TOR3A: variants seen among roughly 807,000 people sequenced by gnomAD.
TOR3A encodes torsin family 3 member A.
A neutral mutation model predicts 42.1 loss-of-function variants in TOR3A; 44 were observed. The ratio of observed to expected loss-of-function variants is 1.04; its 90% CI spans 0.82 to 1.34. The LOEUF is 1.34. Ranked by LOEUF, TOR3A falls within the 40% of genes most tolerant of loss-of-function variation. The pLI is 0.00. For synonymous variants in TOR3A, 227 were observed against 213.2 expected (o/e 1.06, Z -0.57); for missense variants, 521 against 507.6 (o/e 1.03, Z -0.25).
In TOR3A at chr1:179,095,297, A is replaced by G; in HGVS notation, c.*79A>G. ...GACCTGTAGGAGCACCCCGTTTGGG[A>G]CTGTGAGGTGTTTGAGGGTGTGGAC... On this transcript the variant is annotated 3_prime_UTR_variant, in exon 6 of 6. Coordinates refer to ENST00000367627, the MANE Select transcript of TOR3A (RefSeq NM_022371.4). The G allele has an allele frequency of 8.8e-6, 14 of 1,582,900 alleles. No homozygotes were observed. Among genetic ancestry groups the G allele is most frequent in the Non-Finnish European group, 1.2e-5 (14 of 1,166,224 alleles).
chr1:179,095,617 C>T lies in TOR3A; in HGVS notation c.*399C>T, dbSNP rs1444753859. 1.9e-6 allele frequency: 2 copies of T among 1,048,986 alleles called. No homozygotes were observed. Among genetic ancestry groups the T allele is most frequent in the African/African-American group, 3.4e-5 (2 of 59,008 alleles). The allele number at this position is 1,048,986 out of a possible 1,614,324, so 65.0% of individuals were successfully genotyped here. A position where few individuals can be genotyped will look rare whatever the true frequency, so the allele number is the denominator to read the frequency against. The stretch of plus-strand genomic sequence containing the variant: ...ACACTCCAGATGGTCTCCTTAGCAT[C>T]TCAGCTCTTCTGCAAGGAAGAGCTT... On this transcript the variant is annotated 3_prime_UTR_variant, in exon 6 of 6. Coordinates refer to ENST00000367627, the MANE Select transcript of TOR3A (RefSeq NM_022371.4).
chr1:179,087,075 A>G (rs1652455436), intron 3 of TOR3A, among the ~76,000 whole-genome samples: 2 of 152,216 alleles, frequency 1.3e-5, no homozygotes, highest in South Asian at 4.1e-4. Flanking sequence ...GAAAACTGGC[A>G]TGTGCATAGC....
In TOR3A at chr1:179,088,087, C is replaced by G. The variant is rs143447495; in HGVS notation, c.816C>G (p.Leu272=). ...CTCCATGGACTATCTTTCTGTTTCTCAGGTGGGTTCTGGGGAACAATAGTC... is the reference window on the plus strand; with the variant it reads ...CTCCATGGACTATCTTTCTGTTTCTGAGGTGGGTTCTGGGGAACAATAGTC... The part of the protein sequence containing the change: ...AESPWTIFLF[L]SNLRGDIINE... Residue 272 remains leucine, a splice_region_variant and synonymous_variant, in exon 4 of 6, where the codon CTC becomes CTG. Coordinates refer to ENST00000367627, the MANE Select transcript of TOR3A (RefSeq NM_022371.4). 1.3e-6 allele frequency: 2 copies of G among 1,583,204 alleles called. No homozygotes were observed. Among genetic ancestry groups the G allele is most frequent in the African/African-American group, 2.7e-5 (2 of 73,474 alleles).
chr1:179,082,633 A>C (rs1479357828), intron 1 of TOR3A: 18 of 707,912 alleles, frequency 2.5e-5, no homozygotes, highest in Non-Finnish European at 4.6e-5. Flanking sequence ...GCCTCCCCTG[A>C]TCCCTGCGCT....
chr1:179,085,525 A>C (rs2102542221), intron 2 of TOR3A, 103 bp from the exon 3 acceptor site: 1 of 1,456,624 alleles, frequency 6.9e-7, no homozygotes, highest in East Asian at 2.3e-5. Context: ...AACTGATTCC[A>C]CCCGAGAGAG....
chr1:179,087,171 T>C (rs771582054), intron 3 of TOR3A, among the ~76,000 whole-genome samples: 1 of 152,210 alleles, frequency 6.6e-6, no homozygotes, highest in East Asian at 1.9e-4. Context: ...CTGAATAATA[T>C]ATTCCCTGCC....
In TOR3A at chr1:179,094,965, C is replaced by T. The variant is rs975257945; in HGVS notation, c.944-3C>T. The T allele has an allele frequency of 1.1e-5, 18 of 1,614,024 alleles. No homozygotes were observed. In the African/African-American group the frequency reaches 1.5e-4, roughly 13 times the overall value. On this transcript the variant is annotated splice_polypyrimidine_tract_variant and splice_region_variant and intron_variant, in intron 5 of 5. Transcript: ENST00000367627. ...CTCCATGTAACTTTGGTCTTGCTTT[C>T]AGACAATGGCTTTGGCCACAGCCGT...
At position 179,088,007 on chromosome 1, in the gene TOR3A, G is replaced by C; in HGVS notation, c.736G>C (p.Glu246Gln). 1 of 1,613,760 alleles carries C rather than the reference G, an allele frequency of 6.2e-7. No individual in the cohort carries two copies. Among genetic ancestry groups the C allele is most frequent in the Non-Finnish European group, 8.5e-7 (1 of 1,179,820 alleles). ...GGAGAAGCTGCACCCAGGGCTGCTG[G>C]AGGTCCTTGGGCCACACTTAGAACG... ...EAEKLHPGLLEVLGPHLERRA... is the reference protein window; with the variant it reads ...EAEKLHPGLLQVLGPHLERRA... Residue 246 changes from glutamate (E) to glutamine (Q), a missense_variant, in exon 4 of 6, where the codon GAG becomes CAG. Physicochemically the swap from Glu to Gln is conservative, Grantham distance 29. Coordinates refer to ENST00000367627, the MANE Select transcript of TOR3A (RefSeq NM_022371.4).
In TOR3A at chr1:179,082,386, G is replaced by C. The variant is rs564276567; in HGVS notation, c.258G>C (p.Leu86=). The change falls in exon 1 of 6, where the codon CTG becomes CTC. Residue 86 remains leucine (L), a splice_region_variant and synonymous_variant. Transcript: ENST00000367627. The part of the protein sequence containing the change: ...DEDEEAATGP[L]GWRLPLLGQR... ...ACGAGGAGGCAGCCACGGGGCCCCT[G>C]GGTAAGACCCCGTCCCCACGGTCCG... 5 of 1,601,974 alleles carry C rather than the reference G, an allele frequency of 3.1e-6. No homozygotes were observed. In the East Asian group the frequency reaches 1.1e-4, roughly 36 times the overall value.
intron 4 of TOR3A, among the ~76,000 whole-genome samples, chr1:179,089,007 A>C (rs1652507639): frequency 1.3e-5 from 2 of 151,978 alleles, no homozygotes; most frequent in Non-Finnish European, 1.5e-5. Context: ...TCACTTTGTG[A>C]GGATGGGGAA....
chr1:179,095,017 C>CT lies in TOR3A; in HGVS notation c.995dup (p.Ile333HisfsTer27). On this transcript the variant is annotated frameshift_variant, in exon 6 of 6. Coordinates refer to ENST00000367627, the MANE Select transcript of TOR3A (RefSeq NM_022371.4). LOFTEE classifies it high-confidence loss of function. ...TTGTGAAGGAAAACCTGATTGACTA[C>CT]TTCATCCCCTTCCTGCCTTTGGAGT... is the stretch of plus-strand genomic sequence containing the variant. 2 of 1,614,214 alleles carry CT rather than the reference C, an allele frequency of 1.2e-6. No homozygotes were observed. The highest frequency in any genetic ancestry group is 1.7e-6 in the Non-Finnish European group (2 of 1,180,046).
intron 4 of TOR3A, among the ~76,000 whole-genome samples, chr1:179,089,219 G>A (rs1652514481): frequency 6.6e-6 from 1 of 152,012 alleles, no homozygotes; most frequent in South Asian, 2.1e-4. Context: ...TACTCGGGAG[G>A]CTGAGGCAGG....
rs568898642 is a variant in TOR3A, at chr1:179,089,876, G to A, written c.818+1787G>A. The stretch of plus-strand genomic sequence containing the variant: ...CCTCTCCCCGAGACAGGGGTCTCCC[G>A]GCTTCAGGTGGTGCCGGCCACACAG... On this transcript the variant is annotated intron_variant, in intron 4 of 5. Transcript: ENST00000367627. Among the ~76,000 whole-genome samples, 3 of 152,068 alleles carry A rather than the reference G, an allele frequency of 2.0e-5. No individual in the cohort carries two copies. The East Asian group carries it at 5.8e-4, about 30-fold the overall frequency.
At position 179,095,020 on chromosome 1, in the gene TOR3A, C is replaced by A; in HGVS notation, c.996C>A (p.Phe332Leu). The change falls in exon 6 of 6, where the codon TTC (phenylalanine) becomes TTA (leucine). Residue 332 changes from phenylalanine to leucine, a missense_variant. Physicochemically the swap from Phe to Leu is conservative, Grantham distance 22. Coordinates refer to ENST00000367627, the MANE Select transcript of TOR3A (RefSeq NM_022371.4). ...RLVKENLIDY[F>L]IPFLPLEYRH... Reference sequence around the variant, plus strand: ...TGAAGGAAAACCTGATTGACTACTTCATCCCCTTCCTGCCTTTGGAGTACC... The same window carrying A: ...TGAAGGAAAACCTGATTGACTACTTAATCCCCTTCCTGCCTTTGGAGTACC... 6.2e-7 allele frequency: 1 copy of A among 1,614,228 alleles called. No individual in the cohort carries two copies. The highest frequency in any genetic ancestry group is 1.7e-5 in the Admixed American group (1 of 60,020).
At chr1:179,086,850 A>G (rs1652451510) in intron 3 of TOR3A, among the ~76,000 whole-genome samples, 1 of 152,228 alleles carries the variant, frequency 6.6e-6, no homozygotes, top group African/African-American at 2.4e-5. Context: ...AGAGCCTGAC[A>G]GAATTGACTG....
chr1:179,095,413 G>GTTACGGC lies in TOR3A; in HGVS notation c.*195_*196insTTACGGC. On this transcript the variant is annotated 3_prime_UTR_variant, in exon 6 of 6. Coordinates refer to ENST00000367627, the MANE Select transcript of TOR3A (RefSeq NM_022371.4). Reference sequence around the variant, plus strand: ...CAAGCCAATCCTTTTTCTTTTTTTTGGAGGTCCCACCGAGATAGATAGGAA... The same window carrying GTTACGGC: ...CAAGCCAATCCTTTTTCTTTTTTTTGTTACGGCGAGGTCCCACCGAGATAGATAGGAA... The GTTACGGC allele has an allele frequency of 7.3e-7, 1 of 1,366,646 alleles. No homozygotes were observed. Among genetic ancestry groups the GTTACGGC allele is most frequent in the Non-Finnish European group, 9.4e-7 (1 of 1,062,226 alleles). The allele number at this position is 1,366,646 out of a possible 1,614,324, so 84.7% of individuals were successfully genotyped here. A position where few individuals can be genotyped will look rare whatever the true frequency, so the allele number is the denominator to read the frequency against.
chr1:179,090,169 G>A (rs1312971143), intron 4 of TOR3A, among the ~76,000 whole-genome samples: 1 of 152,190 alleles, frequency 6.6e-6, no homozygotes, highest in African/African-American at 2.4e-5. Flanking sequence ...ACAGCAGGGT[G>A]GGGAGGTCCC....
At chr1:179,086,689 C>T (rs1256875218) in intron 3 of TOR3A, among the ~76,000 whole-genome samples, 2 of 148,586 alleles carry the variant, frequency 1.3e-5, no homozygotes, top group Non-Finnish European at 3.0e-5. Context: ...AAAAAGAAAA[C>T]AGGCCTATCC....
In TOR3A at chr1:179,082,355, A is replaced by G; in HGVS notation, c.227A>G (p.Asp76Gly). 6.2e-7 allele frequency: 1 copy of G among 1,606,810 alleles called. No individual in the cohort carries two copies. Among genetic ancestry groups the G allele is most frequent in the Non-Finnish European group, 8.5e-7 (1 of 1,177,856 alleles). ...FSCQVWPDDC[D>G]EDEEAATGPL... ...TGCCAGGTGTGGCCCGACGACTGTG[A>G]CGAGGACGAGGAGGCAGCCACGGGG... The change falls in exon 1 of 6, where the codon GAC becomes GGC. Residue 76 changes from aspartate (D) to glycine (G), a missense_variant. Physicochemically the swap from Asp to Gly is moderately conservative, Grantham distance 94. Coordinates refer to ENST00000367627, the MANE Select transcript of TOR3A (RefSeq NM_022371.4).
Sources: allele counts gnomAD v4.1 joint callset (sites outside exome capture counted in the v4.1 genomes callset), GRCh38; gene constraint gnomAD v4.1.1; transcripts MANE v1.5; gene names NCBI Gene and HGNC (gene_info 2026-07-23, HGNC 2026-07-21).